JPH2: variants seen among roughly 807,000 people sequenced by gnomAD.
JPH2 encodes the protein junctophilin-2.
Under a neutral mutation model 55.9 loss-of-function variants are expected in JPH2, and 38 were observed. The ratio of observed to expected loss-of-function variants is 0.68; its 90% CI spans 0.52 to 0.89. The LOEUF (loss-of-function observed/expected upper bound fraction) is 0.89, where lower values mean the gene tolerates loss of function less well. JPH2 is among the 40% of genes least tolerant of loss of function. The probability of loss-of-function intolerance (pLI) is 0.00; values close to 1 mark genes in which losing one functional copy is unlikely to be tolerated. For missense variants in JPH2, 964 were observed against 1,037.6 expected (o/e 0.93, Z 0.97); for synonymous variants, 480 against 472.4 (o/e 1.02, Z -0.21).
chr20:44,158,779 G>A (rs1420328139), intron 2 of JPH2, among the ~76,000 whole-genome samples: 1 of 152,152 alleles, frequency 6.6e-6, no homozygotes, highest in Non-Finnish European at 1.5e-5. Flanking sequence ...GGATGACCAG[G>A]CGGGTGGGTG....
intron 2 of JPH2, among the ~76,000 whole-genome samples, chr20:44,138,370 C>G (rs1227637475): frequency 3.3e-5 from 5 of 149,984 alleles, no homozygotes; most frequent in Non-Finnish European, 7.4e-5. Context: ...CAGCAAGCAG[C>G]CTTGAGTCTG....
chr20:44,118,041 T>G (rs959558125), intron 3 of JPH2, among the ~76,000 whole-genome samples: 4 of 152,160 alleles, frequency 2.6e-5, no homozygotes, highest in Non-Finnish European at 5.9e-5. Context: ...CAGAGTCTGT[T>G]TATGGTACCC....
chr20:44,171,066 T>A (rs936541886), intron 1 of JPH2, among the ~76,000 whole-genome samples: 2 of 152,128 alleles, frequency 1.3e-5, no homozygotes, highest in Non-Finnish European at 2.9e-5. Context: ...TCTCAGCAGG[T>A]TACTCCCCAT....
At chr20:44,114,680 G>C in intron 5 of JPH2, 102 bp downstream of exon 5, 1 of 819,052 alleles carries the variant, frequency 1.2e-6, no homozygotes. Context: ...TCACAGGACT[G>C]TCATCCAAGT....
At chr20:44,146,337 T>C (rs964912177) in intron 2 of JPH2, among the ~76,000 whole-genome samples, 2 of 152,072 alleles carry the variant, frequency 1.3e-5, no homozygotes, top group African/African-American at 4.8e-5. Context: ...CTGGCCCACA[T>C]GGTCACCATT....
In JPH2 at chr20:44,118,715, A is replaced by G. The variant is rs6073337; in HGVS notation, c.1170-92T>C. On this transcript the variant is annotated intron_variant, in intron 2 of 5. Transcript: ENST00000372980. ...CAACCCACAAAGAGACATGCTAAAC[A>G]CAGCATTCTTTCACGCAGGCAGTCA... is the stretch of plus-strand genomic sequence containing the variant. 1,953 of 1,005,018 alleles carry G rather than the reference A, an allele frequency of 1.9e-3. 5 individuals are homozygous for G. Among genetic ancestry groups the G allele is most frequent in the Non-Finnish European group, 2.7e-3 (1,712 of 639,524 alleles). 62.3% of individuals were successfully genotyped at this position (1,005,018 alleles called of 1,614,324 possible). A position where few individuals can be genotyped will look rare whatever the true frequency, so the allele number is the denominator to read the frequency against.
chr20:44,167,541 G>A (rs778197868), intron 1 of JPH2, among the ~76,000 whole-genome samples: 2 of 152,094 alleles, frequency 1.3e-5, no homozygotes, highest in Non-Finnish European at 2.9e-5. Flanking sequence ...GGAGTTATTG[G>A]TGTACATGTA....
intron 1 of JPH2, among the ~76,000 whole-genome samples, chr20:44,172,158 C>T (rs1466131707): frequency 6.6e-6 from 1 of 152,142 alleles, no homozygotes; most frequent in Non-Finnish European, 1.5e-5. Flanking sequence ...GTAGGGTGAC[C>T]AGTCATCCCA....
intron 2 of JPH2, among the ~76,000 whole-genome samples, chr20:44,120,202 C>A (rs1386689496): frequency 6.6e-6 from 1 of 152,162 alleles, no homozygotes; most frequent in Admixed American, 6.6e-5. Flanking sequence ...AGTTCATGGA[C>A]CCCTGAAATC....
intron 1 of JPH2, among the ~76,000 whole-genome samples, chr20:44,165,311 AC>A (rs1344281801): frequency 1.3e-5 from 2 of 152,094 alleles, no homozygotes; most frequent in East Asian, 1.9e-4. Context: ...AACAAAAAAA[AC>A]AACCCAGCAT....
intron 1 of JPH2, among the ~76,000 whole-genome samples, chr20:44,172,234 G>A (rs1600865186): frequency 6.6e-6 from 1 of 152,246 alleles, no homozygotes; most frequent in East Asian, 1.9e-4. Context: ...GGCAGTTTCA[G>A]GCAAATTGAG....
chr20:44,159,819 C>T lies in JPH2; in HGVS notation c.968G>A (p.Arg323His), dbSNP rs778739555. 3.7e-6 allele frequency: 6 copies of T among 1,613,176 alleles called. No homozygotes were observed. Among genetic ancestry groups the T allele is most frequent in the Admixed American group, 1.7e-5 (1 of 59,976 alleles). Residue 323 changes from arginine to histidine, a missense_variant, in exon 2 of 6, where the codon CGC (arginine) becomes CAC (histidine). By Grantham distance (29) the Arg-to-His change is conservative. Transcript: ENST00000372980. The surrounding 1 kb of genome is among the most constrained non-coding windows in gnomAD (Gnocchi z 5.7). ...CAGCGTGGTGCAGCCATAGCCGTGG[C>T]GCAGGTTGTCCAGCCACTCGCCCTC... ...RYEGEWLDNL[R>H]HGYGCTTLPD...
In JPH2 at chr20:44,129,617, A is replaced by C. The variant is rs1403054851; in HGVS notation, c.1170-10994T>G. 2.0e-5 allele frequency among the ~76,000 whole-genome samples: 3 copies of C among 151,940 alleles called. No homozygotes were observed. The South Asian group carries it at 6.2e-4, about 32-fold the overall frequency. ...GCTTCCTGAGAGCTAACTATGCGCC[A>C]GACACTCAGCCAAAGGCATCAATGA... On this transcript the variant is annotated intron_variant, in intron 2 of 5. Transcript: ENST00000372980.
At chr20:44,182,047 A>C (rs1347978944) in intron 1 of JPH2, among the ~76,000 whole-genome samples, 1 of 152,248 alleles carries the variant, frequency 6.6e-6, no homozygotes, top group Admixed American at 6.5e-5. Flanking sequence ...GTACTCATTC[A>C]TCCCAGGAGA....
Position 44,116,068 on chromosome 20 carries a change from G to T in JPH2, c.1607C>A (p.Ala536Glu), listed in dbSNP as rs762310373. 1.9e-6 allele frequency: 3 copies of T among 1,540,208 alleles called. No homozygotes were observed. ...GGCCATGCGCTCGGTGGCTGGACGC[G>T]CGGGGCTGCGGCGGCCCGCGCCCTC... The part of the protein sequence containing the change: ...PSEGAGRRSP[A>E]RPATERMAIE... Residue 536 changes from alanine to glutamate, a missense_variant, in exon 4 of 6, where the codon GCG (alanine) becomes GAG (glutamate). Coordinates refer to ENST00000372980, the MANE Select transcript of JPH2 (RefSeq NM_020433.5).
At position 44,160,415 on chromosome 20, in the gene JPH2, C is replaced by G. The variant is rs1600858260; in HGVS notation, c.380-8G>C. On this transcript the variant is annotated splice_region_variant and splice_polypyrimidine_tract_variant and intron_variant, in intron 1 of 5. Transcript: ENST00000372980. This position sits in a 1 kb window ranked among gnomAD's most constrained non-coding sequence, Gnocchi z 4.9. The stretch of plus-strand genomic sequence containing the variant: ...ACTGGCCTTGGTACGTCCCTGCGGG[C>G]GAGGAGAGGGCGCGTCAGTAGGCGG... The G allele has an allele frequency of 1.9e-6, 3 of 1,608,160 alleles. No homozygotes were observed. In the East Asian group the frequency reaches 6.7e-5, roughly 36 times the overall value.
chr20:44,176,044 C>G (rs2072730788), intron 1 of JPH2, among the ~76,000 whole-genome samples: 2 of 152,300 alleles, frequency 1.3e-5, no homozygotes, highest in Non-Finnish European at 2.9e-5. Flanking sequence ...ACCATCCTTC[C>G]ATGGTTCAGG....
chr20:44,171,114 G>A (rs1248147941), intron 1 of JPH2, among the ~76,000 whole-genome samples: 1 of 152,210 alleles, frequency 6.6e-6, no homozygotes, highest in Non-Finnish European at 1.5e-5. Flanking sequence ...GCCTTGAGGA[G>A]TGTCTCAGGT....
intron 1 of JPH2, among the ~76,000 whole-genome samples, chr20:44,167,669 A>G (rs2072667025): frequency 6.6e-6 from 1 of 152,206 alleles, no homozygotes; most frequent in African/African-American, 2.4e-5. Flanking sequence ...TCTGGTGAGT[A>G]TAGAATAACA....
Sources: gnomAD v4.1 joint callset for allele counts (sites outside exome capture counted in the v4.1 genomes callset) on GRCh38, gnomAD v4.1.1 for gene constraint, Gnocchi (gnomAD v3.1) non-coding constraint, MANE v1.5 for transcripts, NCBI Gene and HGNC (gene_info 2026-07-23, HGNC 2026-07-21) for gene names.